Variants in EYS observed in about 807,000 individuals in gnomAD.
The protein encoded by EYS is EGF-like photoreceptor maintenance factor, also known as protein eyes shut homolog.
In EYS, 250 loss-of-function variants were observed where a neutral mutation model predicts 282.1. The observed-to-expected ratio is 0.89, with a 90% confidence interval of 0.80 to 0.98. EYS has a LOEUF of 0.98. EYS is among the 50% of genes least tolerant of loss of function. EYS has a pLI of 0.00. For synonymous variants in EYS, 1,355 were observed against 1,282.9 expected (o/e 1.06, Z -1.20); for missense variants, 4,016 against 3,709.0 (o/e 1.08, Z -2.15).
intron 26 of EYS, among the ~76,000 whole-genome samples, chr6:64,543,274 T>A (rs1159067485): frequency 1.3e-5 from 2 of 152,140 alleles, no homozygotes; most frequent in Non-Finnish European, 2.9e-5. Flanking sequence ...TAGAAAAGAA[T>A]CATGAAATAA....
chr6:64,261,140 TG>T (rs1261415301), intron 30 of EYS, among the ~76,000 whole-genome samples: 2 of 152,068 alleles, frequency 1.3e-5, no homozygotes, highest in African/African-American at 4.8e-5. Context: ...ACTGCATTTT[TG>T]TTCCCATTAA....
At chr6:63,955,474 G>T (rs748473324) in intron 35 of EYS, among the ~76,000 whole-genome samples, 2 of 151,826 alleles carry the variant, frequency 1.3e-5, no homozygotes, top group African/African-American at 4.8e-5. Context: ...TCTTATTCTC[G>T]TTCCCATTCT....
rs2149678965 is a variant in EYS, at chr6:63,806,299, C to T, written c.7302G>A (p.Arg2434=). 1 of 1,551,658 alleles carries T rather than the reference C, an allele frequency of 6.4e-7. No individual in the cohort carries two copies. The highest frequency in any genetic ancestry group is 8.7e-7 in the Non-Finnish European group (1 of 1,146,918). ...FGYTSFLAYS[R]ISDISFHYEF... is the part of the protein sequence containing the mutation. Reference sequence around the variant, plus strand: ...CATAATGGAAGCTGATGTCTGAGATCCGTGAATAAGCCAGGAATGAGGTGT... The same window carrying T: ...CATAATGGAAGCTGATGTCTGAGATTCGTGAATAAGCCAGGAATGAGGTGT... Residue 2434 remains arginine, a synonymous_variant, in exon 37 of 43, where the codon CGG becomes CGA. Coordinates refer to ENST00000503581, the MANE Select transcript of EYS (RefSeq NM_001142800.2).
chr6:63,987,982 G>A (rs748568208), intron 34 of EYS, among the ~76,000 whole-genome samples: 4 of 151,546 alleles, frequency 2.6e-5, no homozygotes, highest in Non-Finnish European at 4.4e-5. Context: ...AAAAGACTGA[G>A]TCTCTGCTCC....
intron 30 of EYS, among the ~76,000 whole-genome samples, chr6:64,233,998 G>C (rs12175973): frequency 2.0e-5 from 3 of 152,016 alleles, no homozygotes; most frequent in Admixed American, 2.0e-4. Context: ...TGGCACAAAT[G>C]TTTAGAAGGA....
chr6:65,592,128 A>C lies in EYS; in HGVS notation c.-333+47650T>G, dbSNP rs540384077. 8.5e-5 allele frequency among the ~76,000 whole-genome samples: 13 copies of C among 152,104 alleles called. No homozygotes were observed. In the East Asian group the frequency reaches 2.3e-3, roughly 27 times the overall value. On this transcript the variant is annotated intron_variant, in intron 2 of 42. Transcript: ENST00000503581. ...CTAATTTTGATCATTTTTTCAAAAC[A>C]CATTTCTATTCTATAGCTTTCACTT...
At position 65,330,854 on chromosome 6, in the gene EYS, G is replaced by A. The variant is rs1003545702; in HGVS notation, c.1766+4126C>T. 4 of 937,762 alleles carry A rather than the reference G, an allele frequency of 4.3e-6. No homozygotes were observed. The South Asian group carries it at 2.0e-4, about 46-fold the overall frequency. 58.1% of individuals were successfully genotyped at this position (937,762 alleles called of 1,614,324 possible). The stretch of plus-strand genomic sequence containing the variant: ...ACATTTAGAGTCTACTTCTATATAA[G>A]GTATAAGGTTGTAATCCAGTTTCAT... On this transcript the variant is annotated intron_variant, in intron 11 of 42. Transcript: ENST00000503581.
At chr6:65,271,429 G>C (rs958399459) in intron 12 of EYS, among the ~76,000 whole-genome samples, 7 of 151,684 alleles carry the variant, frequency 4.6e-5, no homozygotes, top group African/African-American at 1.7e-4. Context: ...AAATTGGATG[G>C]TGCCCAACCA....
chr6:64,421,860 G>GTGT (rs1554159220), intron 28 of EYS, among the ~76,000 whole-genome samples: 5,813 of 138,280 alleles, frequency 0.042, 186 homozygotes, highest in East Asian at 0.08. Flanking sequence ...TTGTTTGGGG[G>GTGT]GTGTGTGTGT....
intron 22 of EYS, among the ~76,000 whole-genome samples, chr6:64,761,393 T>G (rs1174012632): frequency 6.6e-6 from 1 of 152,188 alleles, no homozygotes; most frequent in Non-Finnish European, 1.5e-5. Flanking sequence ...CTCACAAGCT[T>G]TTTGTGAAGA....
intron 24 of EYS, among the ~76,000 whole-genome samples, chr6:64,607,395 T>G (rs1365352976): frequency 6.6e-6 from 1 of 152,080 alleles, no homozygotes; most frequent in Non-Finnish European, 1.5e-5. Context: ...GAAATTTATT[T>G]CTCATAGATC....
chr6:64,970,427 A>G (rs1428515238), intron 14 of EYS, among the ~76,000 whole-genome samples: 4 of 152,010 alleles, frequency 2.6e-5, no homozygotes, highest in Admixed American at 2.0e-4. Flanking sequence ...GGAATCCTTG[A>G]CCTCAGGTAC....
intron 26 of EYS, among the ~76,000 whole-genome samples, chr6:64,466,474 C>G (rs1408618800): frequency 6.6e-6 from 1 of 151,950 alleles, no homozygotes; most frequent in Admixed American, 6.5e-5. Context: ...TTGGGGAGCA[C>G]CATGTAAAGT....
chr6:63,835,129 C>G (rs1419514653), intron 36 of EYS, among the ~76,000 whole-genome samples: 1 of 150,930 alleles, frequency 6.6e-6, no homozygotes, highest in Non-Finnish European at 1.5e-5. Flanking sequence ...TGCACTACAC[C>G]AACATGGCAT....
At chr6:65,259,267 T>C (rs907575393) in intron 12 of EYS, among the ~76,000 whole-genome samples, 6 of 152,014 alleles carry the variant, frequency 3.9e-5, no homozygotes, top group Middle Eastern at 3.2e-3. Context: ...TCTTCCCTCC[T>C]GGTGGTAACA....
At chr6:65,510,109 G>A (rs1438106558) in intron 2 of EYS, among the ~76,000 whole-genome samples, 2 of 150,252 alleles carry the variant, frequency 1.3e-5, no homozygotes, top group Non-Finnish European at 3.0e-5. Flanking sequence ...CCATGCTGGT[G>A]CGCTGCACCC....
intron 40 of EYS, among the ~76,000 whole-genome samples, chr6:63,775,584 T>C (rs977528971): frequency 6.6e-6 from 1 of 152,206 alleles, no homozygotes; most frequent in African/African-American, 2.4e-5. Flanking sequence ...CCTGCTTCAG[T>C]TGAAAAATAA....
chr6:64,827,142 C>T (rs78992031), intron 19 of EYS, among the ~76,000 whole-genome samples: 6,226 of 151,734 alleles, frequency 0.041, 163 homozygotes, highest in East Asian at 0.1. Context: ...AGCTAAGGAC[C>T]GCTGCTTTTT....
chr6:64,911,802 G>C (rs1042182153), intron 16 of EYS, among the ~76,000 whole-genome samples: 2 of 152,066 alleles, frequency 1.3e-5, no homozygotes, highest in Non-Finnish European at 2.9e-5. Context: ...CAGTGAACAT[G>C]TACCTAAACC....
Sources: allele counts gnomAD v4.1 joint callset (sites outside exome capture counted in the v4.1 genomes callset), GRCh38; gene constraint gnomAD v4.1.1; transcripts MANE v1.5; gene names NCBI Gene and HGNC (gene_info 2026-07-23, HGNC 2026-07-21).